The following HSPA9 variants were observed in gnomAD, a reference collection of about 807,000 sequenced individuals.
The protein encoded by HSPA9 is stress-70 protein, mitochondrial.
In HSPA9, 28 loss-of-function variants were observed where a neutral mutation model predicts 81.5. The observed-to-expected ratio is 0.34, with a 90% confidence interval of 0.25 to 0.47. The LOEUF is 0.47. Ranked by LOEUF, HSPA9 falls within the 20% of genes least tolerant of loss-of-function variation. The pLI, the probability that HSPA9 is intolerant of heterozygous loss-of-function variation, is 1.00. For synonymous variants in HSPA9, 293 were observed against 290.4 expected (o/e 1.01, Z -0.09); for missense variants, 678 against 838.0 (o/e 0.81, Z 2.36).
Position 138,555,127 on chromosome 5 carries a change from A to AG in HSPA9, c.*909dup, listed in dbSNP as rs750218965. 5 of 152,206 alleles carry AG rather than the reference A, an allele frequency of 3.3e-5. No individual in the cohort carries two copies. The highest frequency in any genetic ancestry group is 7.3e-5 in the Non-Finnish European group (5 of 68,042). The allele number at this position is 152,206 out of a possible 1,614,324, so 9.4% of individuals were successfully genotyped here. On this transcript the variant is annotated 3_prime_UTR_variant, in exon 17 of 17. Coordinates refer to ENST00000297185, the MANE Select transcript of HSPA9 (RefSeq NM_004134.7). ...AGATTCTAAATGTACCAAAGGTCTA[A>AG]GGGGAGAAAATAAAATCCTTCAAAC...
At chr5:138,564,151 T>C (rs1750713476) in intron 9 of HSPA9, among the ~76,000 whole-genome samples, 1 of 152,238 alleles carries the variant, frequency 6.6e-6, no homozygotes, top group Non-Finnish European at 1.5e-5. Context: ...TCACCCAGAC[T>C]GGACTGCAGT....
intron 14 of HSPA9, 195 bp downstream of exon 14, chr5:138,557,207 C>A (rs889772277): frequency 1.6e-6 from 1 of 635,580 alleles, no homozygotes; most frequent in Non-Finnish European, 2.9e-6. Context: ...TCAAGCGATT[C>A]TCCTGCCTGA....
Position 138,571,067 on chromosome 5 carries a change from A to G in HSPA9, c.303T>C (p.Val101=), listed in dbSNP as rs1750873575. The part of the protein sequence containing the change: ...VAFTADGERL[V]GMPAKRQAVT... ...CAGCCTGTCGCTTGGCCGGCATTCC[A>G]ACAAGTCGCTCACCATCTGCTGTAA... Residue 101 remains valine, a synonymous_variant, in exon 4 of 17, where the codon GTT becomes GTC. Coordinates refer to ENST00000297185, the MANE Select transcript of HSPA9 (RefSeq NM_004134.7). The G allele has an allele frequency of 1.2e-5, 20 of 1,614,172 alleles. No homozygotes were observed. The highest frequency in any genetic ancestry group is 1.7e-5 in the Non-Finnish European group (20 of 1,180,034).
intron 7 of HSPA9, 92 bp from the exon 8 acceptor site, chr5:138,567,255 A>C: frequency 3.5e-6 from 4 of 1,147,568 alleles, no homozygotes; most frequent in Non-Finnish European, 5.1e-6. Flanking sequence ...AATACAGATA[A>C]TCTAAGCTAT....
Position 138,558,424 on chromosome 5 carries a change from T to C in HSPA9, c.1515+129A>G, listed in dbSNP as rs555211203. ...CTGATGCCATGGGTATCTAGTTGCA[T>C]CCCTTCTTCTCAAGACTACTCAGTA... On this transcript the variant is annotated intron_variant, in intron 12 of 16. Coordinates refer to ENST00000297185, the MANE Select transcript of HSPA9 (RefSeq NM_004134.7). The C allele has an allele frequency of 3.0e-4, 222 of 732,164 alleles. No individual in the cohort carries two copies. In the African/African-American group the frequency reaches 3.4e-3, roughly 11 times the overall value. The allele number at this position is 732,164 out of a possible 1,614,324, so 45.4% of individuals were successfully genotyped here.
At chr5:138,565,331 A>T (rs1750739828) in intron 9 of HSPA9, among the ~76,000 whole-genome samples, 1 of 152,234 alleles carries the variant, frequency 6.6e-6, no homozygotes, top group African/African-American at 2.4e-5. Context: ...CATCAGCAAG[A>T]CCATGGATGC....
At chr5:138,564,400 G>A (rs1000072039) in intron 9 of HSPA9, among the ~76,000 whole-genome samples, 10 of 152,124 alleles carry the variant, frequency 6.6e-5, no homozygotes, top group African/African-American at 1.9e-4. Flanking sequence ...CACTGCGTGC[G>A]GCCCCTTCTT....
At position 138,567,028 on chromosome 5, in the gene HSPA9, C is replaced by G. The variant is rs760589640; in HGVS notation, c.852G>C (p.Arg284=). The G allele has an allele frequency of 6.2e-6, 10 of 1,610,100 alleles. No individual in the cohort carries two copies. The highest frequency in any genetic ancestry group is 8.5e-6 in the Non-Finnish European group (10 of 1,177,452). ...CTCTCTTGAACTCCTTCACAATGTG[C>G]CGTAGCAAGGCCTGGTCAAAGTCTT... The part of the protein sequence containing the change: ...GGEDFDQALL[R]HIVKEFKRET... The change falls in exon 8 of 17, where the codon CGG becomes CGC. Residue 284 remains arginine, a synonymous_variant. Transcript: ENST00000297185.
Position 138,571,034 on chromosome 5 carries a change from G to A in HSPA9, c.336C>T (p.Asn112=). The A allele has an allele frequency of 4.3e-6, 7 of 1,614,150 alleles. No homozygotes were observed. The highest frequency in any genetic ancestry group is 5.1e-6 in the Non-Finnish European group (6 of 1,180,034). ...TGGTAGCATAAAATGTATTGTTTGG[G>A]TTGGTGACAGCCTGTCGCTTGGCCG... The part of the protein sequence containing the change: ...GMPAKRQAVT[N]PNNTFYATKR... The change falls in exon 4 of 17, where the codon AAC becomes AAT. Residue 112 remains asparagine, a synonymous_variant. Transcript: ENST00000297185.
intron 16 of HSPA9, 105 bp from the exon 17 acceptor site, chr5:138,556,219 A>T (rs1750517218): frequency 1.9e-6 from 2 of 1,075,864 alleles, no homozygotes; most frequent in South Asian, 2.5e-5. Context: ...CTCATCATTC[A>T]TTTCTATTCC....
chr5:138,564,399 C>T (rs1295100709), intron 9 of HSPA9, among the ~76,000 whole-genome samples: 2 of 152,184 alleles, frequency 1.3e-5, no homozygotes, highest in African/African-American at 2.4e-5. Context: ...CCACTGCGTG[C>T]GGCCCCTTCT....
intron 4 of HSPA9, 59 bp downstream of exon 4, chr5:138,570,901 T>C (rs1580749904): frequency 7.1e-7 from 1 of 1,412,674 alleles, no homozygotes; most frequent in East Asian, 2.3e-5. Context: ...ATGCTGAGGC[T>C]CTTCTGTGTG....
At chr5:138,566,907 G>T in intron 8 of HSPA9, 94 bp downstream of exon 8, 1 of 1,338,918 alleles carries the variant, frequency 7.5e-7, no homozygotes, top group Non-Finnish European at 1.1e-6. Context: ...GAATAAGGGG[G>T]TTGAACTGAA....
At chr5:138,573,670 C>T (rs1385573866) in intron 3 of HSPA9, 93 bp downstream of exon 3, 42 of 247,564 alleles carry the variant, frequency 1.7e-4, no homozygotes, top group Non-Finnish European at 2.5e-4. Context: ...AAAAAAAAAG[C>T]GCAAATCAGG....
intron 3 of HSPA9, among the ~76,000 whole-genome samples, chr5:138,572,830 T>C (rs1750937517): frequency 6.6e-6 from 1 of 152,142 alleles, no homozygotes; most frequent in African/African-American, 2.4e-5. Flanking sequence ...GAAGTAGATA[T>C]AATTCTCCAT....
Position 138,556,001 on chromosome 5 carries a change from T to C in HSPA9, c.*36A>G. On this transcript the variant is annotated 3_prime_UTR_variant, in exon 17 of 17. Transcript: ENST00000297185. ...GAAGTCTCTTCACTCCTAAGCTTCA[T>C]ATGTTGTCCTTCTGGCTTCAAAATT... is the stretch of plus-strand genomic sequence containing the variant. 3 of 1,463,862 alleles carry C rather than the reference T, an allele frequency of 2.0e-6. No individual in the cohort carries two copies. Among genetic ancestry groups the C allele is most frequent in the South Asian group, 1.1e-5 (1 of 88,130 alleles). 90.7% of individuals were successfully genotyped at this position (1,463,862 alleles called of 1,614,324 possible). A position where few individuals can be genotyped will look rare whatever the true frequency, so the allele number is the denominator to read the frequency against.
chr5:138,569,058 C>T lies in HSPA9; in HGVS notation c.411-9G>A. Reference sequence around the variant, plus strand: ...TAAAGGGAACATTTTTACTGTAAGACACAAAAATTCTATTAGAGAAAACTA... The same window carrying T: ...TAAAGGGAACATTTTTACTGTAAGATACAAAAATTCTATTAGAGAAAACTA... On this transcript the variant is annotated splice_polypyrimidine_tract_variant and intron_variant, in intron 4 of 16. Coordinates refer to ENST00000297185, the MANE Select transcript of HSPA9 (RefSeq NM_004134.7). 1 of 1,613,016 alleles carries T rather than the reference C, an allele frequency of 6.2e-7. No individual in the cohort carries two copies. The highest frequency in any genetic ancestry group is 8.5e-7 in the Non-Finnish European group (1 of 1,179,232).
chr5:138,557,270 C>CG (rs1750549257), intron 14 of HSPA9, 132 bp downstream of exon 14: 1 of 730,666 alleles, frequency 1.4e-6, no homozygotes, highest in African/African-American at 1.7e-5. Flanking sequence ...CGGCTTCAAA[C>CG]GATCTGCCCA....
At chr5:138,556,948 G>A (rs1303452880) in intron 14 of HSPA9, 82 bp from the exon 15 acceptor site, 2 of 927,246 alleles carry the variant, frequency 2.2e-6, no homozygotes, top group Non-Finnish European at 3.6e-6. Flanking sequence ...AATAAGCTAT[G>A]TGTTACATAC....
Sources: allele counts gnomAD v4.1 joint callset (sites outside exome capture counted in the v4.1 genomes callset), GRCh38; gene constraint gnomAD v4.1.1; transcripts MANE v1.5; gene names NCBI Gene and HGNC (gene_info 2026-07-23, HGNC 2026-07-21).